FREM3: variants seen among roughly 807,000 people sequenced by gnomAD.
FREM3 encodes FRAS1 related extracellular matrix 3.
FREM3 carries 105 observed loss-of-function variants against 129.1 expected under a neutral mutation model. That is an observed-to-expected ratio of 0.81 (90% confidence interval 0.69 to 0.96). FREM3 has a LOEUF of 0.96. FREM3 is among the 40% of genes least tolerant of loss of function. The pLI, the probability that FREM3 is intolerant of heterozygous loss-of-function variation, is 0.00. For synonymous variants in FREM3, 1,014 were observed against 1,044.9 expected (o/e 0.97, Z 0.57); for missense variants, 2,593 against 2,666.3 (o/e 0.97, Z 0.61).
chr4:143,629,898 T>C (rs2149843575), intron 2 of FREM3, among the ~76,000 whole-genome samples: 1 of 152,258 alleles, frequency 6.6e-6, no homozygotes, highest in African/African-American at 2.4e-5. Flanking sequence ...TAGAGATCAA[T>C]GCAACACAAA....
chr4:143,626,849 C>T (rs1312275263), intron 3 of FREM3, among the ~76,000 whole-genome samples: 1 of 152,128 alleles, frequency 6.6e-6, no homozygotes, highest in Admixed American at 6.6e-5. Flanking sequence ...TATACTGCCT[C>T]GGCTCTGAGT....
chr4:143,642,714 A>G (rs1739342436), intron 2 of FREM3, among the ~76,000 whole-genome samples: 1 of 152,218 alleles, frequency 6.6e-6, no homozygotes, highest in African/African-American at 2.4e-5. Context: ...ACACTTCATA[A>G]CATTGGGCTG....
chr4:143,685,127 C>A (rs1740336513), intron 2 of FREM3, among the ~76,000 whole-genome samples: 1 of 152,140 alleles, frequency 6.6e-6, no homozygotes, highest in African/African-American at 2.4e-5. Context: ...GAGACATAGA[C>A]ATCCAAATAC....
chr4:143,594,943 A>ACAT lies in FREM3; in HGVS notation c.6029-8953_6029-8951dup, dbSNP rs573997293. ...ATTAGAAGAATATGATGCTTTGGCC[A>ACAT]CATCACATTTATGTTAAATGGATTC... On this transcript the variant is annotated intron_variant, in intron 6 of 7. Transcript: ENST00000329798. Among the ~76,000 whole-genome samples, 7 of 152,384 alleles carry ACAT rather than the reference A, an allele frequency of 4.6e-5. No homozygotes were observed. The South Asian group carries it at 1.2e-3, about 27-fold the overall frequency.
At chr4:143,598,236 A>C (rs540862300) in intron 6 of FREM3, among the ~76,000 whole-genome samples, 1 of 152,368 alleles carries the variant, frequency 6.6e-6, no homozygotes, top group South Asian at 2.1e-4. Flanking sequence ...GCAGGTAGAC[A>C]GAAGCCAGTG....
At chr4:143,678,347 C>T (rs1740185952) in intron 2 of FREM3, among the ~76,000 whole-genome samples, 1 of 151,790 alleles carries the variant, frequency 6.6e-6, no homozygotes, top group South Asian at 2.1e-4. Flanking sequence ...ACAATGAGAA[C>T]ACTTGGACAC....
intron 2 of FREM3, among the ~76,000 whole-genome samples, chr4:143,686,995 A>G (rs944113968): frequency 1.3e-4 from 20 of 152,176 alleles, no homozygotes; most frequent in African/African-American, 4.8e-4. Context: ...AACTAAGTGA[A>G]ACTGAAACAA....
Position 143,696,446 on chromosome 4 carries a change from C to A in FREM3, c.4230G>T (p.Leu1410Phe). Residue 1410 changes from leucine to phenylalanine, a missense_variant, in exon 1 of 8, where the codon TTG becomes TTT. Physicochemically the swap from Leu to Phe is conservative, Grantham distance 22. Around this residue, in one of 2 missense-constraint regions of FREM3, gnomAD observed 2,276 missense variants for 2,267.2 expected, o/e 1.00. Transcript: ENST00000329798. The stretch of plus-strand genomic sequence containing the variant: ...TGGTGACATAGAAGTAGTGGTCTGT[C>A]AAAGTGTTAACCCCATCAGTAACAT... ...KFDVTDGVNT[L>F]TDHYFYVTIG... The A allele has an allele frequency of 6.5e-7, 1 of 1,537,634 alleles. No individual in the cohort carries two copies. The highest frequency in any genetic ancestry group is 8.7e-7 in the Non-Finnish European group (1 of 1,147,006).
chr4:143,697,257 G>A lies in FREM3; in HGVS notation c.3419C>T (p.Ser1140Phe). ...ATGCCTCACTTGGATATCTCTGAGGGAGAAAGCACTGATAGGGCTACCAGA... is the reference window on the plus strand; with the variant it reads ...ATGCCTCACTTGGATATCTCTGAGGAAGAAAGCACTGATAGGGCTACCAGA... The part of the protein sequence containing the change: ...SQSGSPISAF[S>F]LRDIQVRHIN... The change falls in exon 1 of 8, where the codon TCC becomes TTC. Residue 1140 changes from serine to phenylalanine, a missense_variant. By Grantham distance (155) the Ser-to-Phe change is radical. This residue lies in a region of FREM3 where 2,276 missense variants were observed against 2,267.2 expected (regional missense o/e 1.00). Transcript: ENST00000329798. 1 of 1,537,568 alleles carries A rather than the reference G, an allele frequency of 6.5e-7. No homozygotes were observed. The highest frequency in any genetic ancestry group is 8.7e-7 in the Non-Finnish European group (1 of 1,146,966).
At chr4:143,645,860 T>C (rs1243607634) in intron 2 of FREM3, among the ~76,000 whole-genome samples, 2 of 152,240 alleles carry the variant, frequency 1.3e-5, no homozygotes, top group Admixed American at 6.5e-5. Context: ...TCTGTGAAAC[T>C]TTGCTAGATA....
At position 143,696,855 on chromosome 4, in the gene FREM3, T is replaced by A; in HGVS notation, c.3821A>T (p.Glu1274Val). 1 of 1,537,758 alleles carries A rather than the reference T, an allele frequency of 6.5e-7. No homozygotes were observed. The highest frequency in any genetic ancestry group is 1.4e-5 in the African/African-American group (1 of 73,158). The change falls in exon 1 of 8, where the codon GAG (glutamate) becomes GTG (valine). Residue 1274 changes from glutamate to valine, a missense_variant. Physicochemically the swap from Glu to Val is moderately radical, Grantham distance 121 (BLOSUM62 -2). This residue lies in a region of FREM3 where 2,276 missense variants were observed against 2,267.2 expected (regional missense o/e 1.00). Transcript: ENST00000329798. ...STIVYEHDDS[E>V]TKEDSFEVWL... is the part of the protein sequence containing the mutation. Reference sequence around the variant, plus strand: ...GACCTCAAAACTGTCCTCTTTTGTCTCTGAGTCATCATGCTCATACACAAT... The same window carrying A: ...GACCTCAAAACTGTCCTCTTTTGTCACTGAGTCATCATGCTCATACACAAT...
At chr4:143,692,169 T>C (rs1466219609) in intron 2 of FREM3, among the ~76,000 whole-genome samples, 1 of 152,162 alleles carries the variant, frequency 6.6e-6, no homozygotes, top group Non-Finnish European at 1.5e-5. Flanking sequence ...ATGATCTTAG[T>C]CAATCCTCTT....
intron 6 of FREM3, among the ~76,000 whole-genome samples, chr4:143,592,820 A>G (rs536008113): frequency 6.6e-6 from 1 of 152,306 alleles, no homozygotes; most frequent in East Asian, 1.9e-4. Flanking sequence ...CCTGGATAAT[A>G]TCCTGCAGAG....
In FREM3 at chr4:143,698,933, A is replaced by G. The variant is rs1183723419; in HGVS notation, c.1743T>C (p.Phe581=). 5.2e-6 allele frequency: 8 copies of G among 1,537,384 alleles called. No individual in the cohort carries two copies. The highest frequency in any genetic ancestry group is 7.0e-6 in the Non-Finnish European group (8 of 1,146,950). ...DIDSEDSTIH[F]VLENQPLKGN... is the part of the protein sequence containing the mutation. ...CTTTTAGGGGCTGGTTCTCCAGCAC[A>G]AAGTGGATGGTTGAGTCCTCAGAGT... The change falls in exon 1 of 8, where the codon TTT becomes TTC. Residue 581 remains phenylalanine, a synonymous_variant. Transcript: ENST00000329798.
At chr4:143,621,937 GA>G (rs1738957888) in intron 4 of FREM3, among the ~76,000 whole-genome samples, 1 of 152,108 alleles carries the variant, frequency 6.6e-6, no homozygotes, top group African/African-American at 2.4e-5. Flanking sequence ...TTTTAGAGGA[GA>G]TTGTTCCGAC....
chr4:143,662,834 G>A (rs1257647329), intron 2 of FREM3, among the ~76,000 whole-genome samples: 2 of 151,996 alleles, frequency 1.3e-5, no homozygotes, highest in Non-Finnish European at 2.9e-5. Flanking sequence ...TTACCATTAT[G>A]TAATGGCCTT....
At chr4:143,637,807 C>T (rs1417680614) in intron 2 of FREM3, among the ~76,000 whole-genome samples, 1 of 152,124 alleles carries the variant, frequency 6.6e-6, no homozygotes, top group Non-Finnish European at 1.5e-5. Context: ...TCCTAAGCCG[C>T]AGAGATGCCA....
intron 2 of FREM3, among the ~76,000 whole-genome samples, chr4:143,644,734 T>G (rs1006156797): frequency 2.6e-5 from 4 of 152,308 alleles, no homozygotes; most frequent in African/African-American, 9.6e-5. Flanking sequence ...AAGTAAACAT[T>G]TTCTCACAAA....
At chr4:143,631,488 C>T (rs1223752929) in intron 2 of FREM3, among the ~76,000 whole-genome samples, 2 of 152,126 alleles carry the variant, frequency 1.3e-5, no homozygotes, top group East Asian at 3.9e-4. Flanking sequence ...AGATTACAGG[C>T]AAACATTACA....
Sources: allele counts gnomAD v4.1 joint callset (sites outside exome capture counted in the v4.1 genomes callset), GRCh38; gene constraint gnomAD v4.1.1; regional missense constraint gnomAD v4.1.1; transcripts MANE v1.5; gene names NCBI Gene and HGNC (gene_info 2026-07-23, HGNC 2026-07-21).